PIK3CD: variants seen among roughly 807,000 people sequenced by gnomAD.
PIK3CD encodes the protein phosphatidylinositol 4,5-bisphosphate 3-kinase catalytic subunit delta isoform.
A neutral mutation model predicts 122.9 loss-of-function variants in PIK3CD; 20 were observed. The ratio of observed to expected loss-of-function variants is 0.16; its 90% CI spans 0.11 to 0.24. PIK3CD has a LOEUF of 0.24. Ranked by LOEUF, PIK3CD falls within the 10% of genes least tolerant of loss-of-function variation. PIK3CD has a pLI of 1.00. For synonymous variants in PIK3CD, 596 were observed against 593.4 expected, an observed-to-expected ratio of 1.00 and a Z score of -0.06; for missense variants, 787 against 1,406.3, an observed-to-expected ratio of 0.56 and a Z score of 7.04.
Position 9,728,100 on chromosome 1 carries a change from C to G in PIK3CD, c.*1054C>G, listed in dbSNP as rs1221126795. The stretch of plus-strand genomic sequence containing the variant: ...GATTACAGGCATGAGCCACCGCGCC[C>G]GGCCCACTCTGCCATTGTCTAAGCC... On this transcript the variant is annotated 3_prime_UTR_variant, in exon 24 of 24. Coordinates refer to ENST00000377346, the MANE Select transcript of PIK3CD (RefSeq NM_005026.5). 1 of 152,838 alleles carries G rather than the reference C, an allele frequency of 6.5e-6. No homozygotes were observed. Among genetic ancestry groups the G allele is most frequent in the South Asian group, 2.1e-4 (1 of 4,840 alleles). 9.5% of individuals were successfully genotyped at this position (152,838 alleles called of 1,614,324 possible).
the PIK3CD span, among the ~76,000 whole-genome samples, chr1:9,638,534 C>A: frequency 6.6e-6 from 1 of 151,772 alleles, no homozygotes; most frequent in African/African-American, 2.4e-5. Context: ...AGATTGAGAC[C>A]ATCCTGGCTA....
chr1:9,706,940 GACT>G (rs1182434834), intron 2 of PIK3CD, among the ~76,000 whole-genome samples: 1 of 150,780 alleles, frequency 6.6e-6, no homozygotes, highest in African/African-American at 2.4e-5. Context: ...AAGTAGCTGC[GACT>G]ACAGGCACGC....
In PIK3CD at chr1:9,727,143, T is replaced by A; in HGVS notation, c.*97T>A. On this transcript the variant is annotated 3_prime_UTR_variant, in exon 24 of 24. Transcript: ENST00000377346. ...GGGGCTGAAGAGCCTGAACTGCACC[T>A]AACGGGAAAGAACCGACATGGCTGC... The A allele has an allele frequency of 7.1e-7, 1 of 1,407,576 alleles. No individual in the cohort carries two copies. The highest frequency in any genetic ancestry group is 1.0e-6 in the Non-Finnish European group (1 of 1,001,962). 87.2% of individuals were successfully genotyped at this position (1,407,576 alleles called of 1,614,324 possible).
the PIK3CD span, among the ~76,000 whole-genome samples, chr1:9,630,384 C>G: frequency 6.6e-6 from 1 of 152,238 alleles, no homozygotes; most frequent in South Asian, 2.1e-4. Context: ...CTACAGCCCC[C>G]TGGCCCCTGG....
intron 2 of PIK3CD, among the ~76,000 whole-genome samples, chr1:9,693,404 T>G (rs1307355787): frequency 2.0e-5 from 3 of 151,660 alleles, no homozygotes; most frequent in African/African-American, 7.3e-5. Context: ...TTTGTGGTTT[T>G]TTTTTTTCAG....
intron 1 of PIK3CD, among the ~76,000 whole-genome samples, chr1:9,681,540 G>C (rs779926355): frequency 4.8e-4 from 73 of 152,234 alleles, no homozygotes; most frequent in Non-Finnish European, 9.3e-4. Flanking sequence ...TCAGCCTCCC[G>C]AGTAGCTGGG....
chr1:9,630,562 TA>T, the PIK3CD span, among the ~76,000 whole-genome samples: 1 of 152,212 alleles, frequency 6.6e-6, no homozygotes, highest in Non-Finnish European at 1.5e-5. Flanking sequence ...GCTGAGCGAA[TA>T]GGCAATCATG....
the PIK3CD span, among the ~76,000 whole-genome samples, chr1:9,629,016 G>A: frequency 2.6e-5 from 4 of 152,116 alleles, no homozygotes; most frequent in Non-Finnish European, 4.4e-5. Flanking sequence ...CCCAAGTGAG[G>A]GGCGGGCCTG....
upstream of PIK3CD, among the ~76,000 whole-genome samples, chr1:9,649,391 C>G (rs960119737): frequency 6.6e-6 from 1 of 152,148 alleles, no homozygotes; most frequent in South Asian, 2.1e-4. Flanking sequence ...CCACTAAACC[C>G]GGCTAATTTT....
Position 9,720,146 on chromosome 1 carries a change from T to C in PIK3CD, c.1374T>C (p.Thr458=). Residue 458 remains threonine, a synonymous_variant, in exon 11 of 24, where the codon ACT becomes ACC. Transcript: ENST00000377346. The surrounding 1 kb of genome is among the most constrained non-coding windows in gnomAD (Gnocchi z 9.0). The part of the protein sequence containing the change: ...EKGELLNPTG[T]VRSNPNTDSA... ...GCGAGCTGCTGAACCCCACGGGCAC[T>C]GTGCGCAGTAACCCCAACACGGATA... 1.2e-6 allele frequency: 2 copies of C among 1,613,208 alleles called. No individual in the cohort carries two copies. The highest frequency in any genetic ancestry group is 2.2e-5 in the East Asian group (1 of 44,874).
chr1:9,721,045 A>T, intron 13 of PIK3CD, 82 bp from the exon 14 acceptor site: 1 of 1,452,886 alleles, frequency 6.9e-7, no homozygotes, highest in South Asian at 1.2e-5. Context: ...CACCACCCTG[A>T]CCCTGGCTGG....
intron 1 of PIK3CD, among the ~76,000 whole-genome samples, chr1:9,668,893 G>C (rs1205780492): frequency 6.6e-6 from 1 of 152,138 alleles, no homozygotes; most frequent in South Asian, 2.1e-4. Flanking sequence ...AGGGGCTGAC[G>C]GGGCTGTGTC....
At chr1:9,696,732 A>G (rs1646432283) in intron 2 of PIK3CD, among the ~76,000 whole-genome samples, 1 of 151,924 alleles carries the variant, frequency 6.6e-6, no homozygotes, top group African/African-American at 2.4e-5. Context: ...TCCCAAAAAA[A>G]AAAAAAGAGA....
At chr1:9,664,131 C>T (rs1645092685) in intron 1 of PIK3CD, among the ~76,000 whole-genome samples, 1 of 149,702 alleles carries the variant, frequency 6.7e-6, no homozygotes, top group Non-Finnish European at 1.5e-5. Context: ...TCACTGCAAC[C>T]TCCACCTCCC....
intron 1 of PIK3CD, among the ~76,000 whole-genome samples, chr1:9,659,831 A>G (rs1396412641): frequency 6.6e-6 from 1 of 150,928 alleles, no homozygotes; most frequent in Admixed American, 6.6e-5. Flanking sequence ...CCTCACTGCA[A>G]CCTCCACCTC....
chr1:9,641,528 ATG>A, the PIK3CD span, among the ~76,000 whole-genome samples: 1 of 152,142 alleles, frequency 6.6e-6, no homozygotes, highest in Non-Finnish European at 1.5e-5. Flanking sequence ...GGTTTTGAGT[ATG>A]TGTGTTTTAC....
At chr1:9,632,336 G>A in the PIK3CD span, among the ~76,000 whole-genome samples, 1 of 152,068 alleles carries the variant, frequency 6.6e-6, no homozygotes, top group Non-Finnish European at 1.5e-5. Flanking sequence ...TTTAAAGACA[G>A]AGGGTCTCAA....
chr1:9,681,402 T>C (rs1645745504), intron 1 of PIK3CD, among the ~76,000 whole-genome samples: 1 of 152,158 alleles, frequency 6.6e-6, no homozygotes, highest in African/African-American at 2.4e-5. Context: ...CATGCCTGGC[T>C]GCTGCTGCTG....
At chr1:9,630,371 C>T in the PIK3CD span, among the ~76,000 whole-genome samples, 4 of 152,346 alleles carry the variant, frequency 2.6e-5, no homozygotes, top group South Asian at 2.1e-4. Flanking sequence ...TTCTCTTCCT[C>T]GGCTACAGCC....
Sources: allele counts gnomAD v4.1 joint callset (sites outside exome capture counted in the v4.1 genomes callset), GRCh38; gene constraint gnomAD v4.1.1; non-coding constraint Gnocchi (gnomAD v3.1); transcripts MANE v1.5; gene names NCBI Gene and HGNC (gene_info 2026-07-23, HGNC 2026-07-21).